Variants in CLTRN observed in about 807,000 individuals in gnomAD.
CLTRN encodes collectrin.
Under a neutral mutation model 14.5 loss-of-function variants are expected in CLTRN, and 12 were observed. That is an observed-to-expected ratio of 0.83 (90% CI 0.53 to 1.34). The LOEUF (loss-of-function observed/expected upper bound fraction) is 1.34, where lower values mean the gene tolerates loss of function less well. CLTRN is among the 40% of genes most tolerant of loss of function. CLTRN has a pLI of 0.00. For missense variants in CLTRN, 154 were observed against 165.1 expected (o/e 0.93, Z 0.37); for synonymous variants, 58 against 56.5 (o/e 1.03, Z -0.12).
At chrX:15,666,996 C>T (rs1401274028), upstream of CLTRN, among the ~76,000 whole-genome samples, 2 of 111,727 alleles carry the variant, frequency 1.8e-5, no homozygotes, top group Non-Finnish European at 3.8e-5. Flanking sequence ...CCAGCACTTT[C>T]GGAGGCCGAG....
chrX:15,665,263 C>T (rs1376041895), upstream of CLTRN, among the ~76,000 whole-genome samples: 2 of 112,008 alleles, frequency 1.8e-5, no homozygotes, highest in Non-Finnish European at 3.8e-5. Context: ...AAGGGCCTCA[C>T]CTGACTCTCA....
chrX:15,658,992 T>G (rs1481157874), intron 3 of CLTRN, 24 bp downstream of exon 3: 1 of 936,431 alleles, frequency 1.1e-6, no homozygotes, highest in Non-Finnish European at 1.5e-6. Flanking sequence ...AATAATCAGT[T>G]AAGATTTCTC....
chrX:15,666,623 C>G (rs1176026238), upstream of CLTRN, among the ~76,000 whole-genome samples: 1 of 111,777 alleles, frequency 8.9e-6, no homozygotes. Context: ...CAGCTAAATC[C>G]AACTGAGAAA....
chrX:15,668,158 A>G (rs999744392), upstream of CLTRN, among the ~76,000 whole-genome samples: 8 of 112,188 alleles, frequency 7.1e-5, no homozygotes. Context: ...ATGCTAATAT[A>G]TTTTCATAGT....
At chrX:15,646,283 T>A (rs1929065592) in intron 3 of CLTRN, 1 of 247,717 alleles carries the variant, frequency 4.0e-6, no homozygotes, top group Non-Finnish European at 7.7e-6. Flanking sequence ...CTTTCTGACA[T>A]TTTGATACCA....
chrX:15,641,073 C>T (rs1414965912), intron 4 of CLTRN, among the ~76,000 whole-genome samples: 4 of 112,238 alleles, frequency 3.6e-5, no homozygotes, highest in Non-Finnish European at 7.5e-5. Flanking sequence ...TAAAGTAAGA[C>T]TTGTTCAGCA....
In CLTRN at chrX:15,645,002, TAC is replaced by T; in HGVS notation, c.229_230del (p.Val77AsnfsTer23). 1 of 1,200,480 alleles carries T rather than the reference TAC, an allele frequency of 8.3e-7. No individual in the cohort carries two copies. Among genetic ancestry groups the T allele is most frequent in the South Asian group, 1.8e-5 (1 of 54,659 alleles). ...TEISHVLLCN[V>X]TQRVSFWFVV... is the part of the protein sequence containing the mutation. ...CAAACCAGAATGATACCCTCTGGGT[TAC>T]ATTGCAAAGTAGGACATGGGAAATT... is the stretch of plus-strand genomic sequence containing the variant. On this transcript the variant is annotated frameshift_variant, in exon 4 of 6. Transcript: ENST00000380342. LOFTEE classifies it high-confidence loss of function.
intron 5 of CLTRN, among the ~76,000 whole-genome samples, chrX:15,630,161 A>G: frequency 9.0e-6 from 1 of 111,638 alleles, no homozygotes; most frequent in Non-Finnish European, 1.9e-5. Context: ...AAAATAATCA[A>G]TGAATGTAGT....
intron 2 of CLTRN, among the ~76,000 whole-genome samples, chrX:15,659,904 T>C (rs1254804643): frequency 8.9e-6 from 1 of 112,353 alleles, no homozygotes; most frequent in African/African-American, 3.2e-5. Flanking sequence ...TACTCTGTTA[T>C]GGCAACCCTA....
intron 5 of CLTRN, among the ~76,000 whole-genome samples, chrX:15,638,780 A>G (rs768645240): frequency 8.9e-6 from 1 of 112,093 alleles, no homozygotes; most frequent in African/African-American, 3.2e-5. Context: ...AGCAGTATCA[A>G]TAACTTAGAC....
intron 5 of CLTRN, 56 bp downstream of exon 5, chrX:15,639,506 C>T (rs953580052): frequency 7.0e-5 from 74 of 1,064,594 alleles, no homozygotes; most frequent in Non-Finnish European, 9.3e-5. Flanking sequence ...CTGATTTGTC[C>T]AAGTCATGAG....
At chrX:15,643,959 G>T (rs1601725505) in intron 4 of CLTRN, among the ~76,000 whole-genome samples, 2 of 111,696 alleles carry the variant, frequency 1.8e-5, no homozygotes, top group African/African-American at 6.5e-5. Flanking sequence ...CATTTTTTGA[G>T]TATATCTTTG....
intron 1 of CLTRN, among the ~76,000 whole-genome samples, chrX:15,670,537 TA>T (rs1275621910): frequency 9.0e-6 from 1 of 111,717 alleles, no homozygotes; most frequent in African/African-American, 3.3e-5. Flanking sequence ...TCAGTATAAT[TA>T]GGCAACAAAA....
At chrX:15,671,813 A>G (rs187870827) in intron 1 of CLTRN, among the ~76,000 whole-genome samples, 10 of 108,284 alleles carry the variant, frequency 9.2e-5, no homozygotes, top group Middle Eastern at 4.8e-3. Flanking sequence ...AGATGATGTT[A>G]CAATCTTTTG....
intron 1 of CLTRN, among the ~76,000 whole-genome samples, chrX:15,671,844 G>GCACACACACACA (rs199900262): frequency 1.1e-5 from 1 of 90,030 alleles, no homozygotes. Flanking sequence ...TTTTATGCGC[G>GCACACACACACA]CACACACACA....
At chrX:15,641,816 T>C (rs1322667406) in intron 4 of CLTRN, among the ~76,000 whole-genome samples, 1 of 111,458 alleles carries the variant, frequency 9.0e-6, no homozygotes, top group East Asian at 2.8e-4. Context: ...AATAACCACA[T>C]TTGGCTGGTG....
At chrX:15,634,254 C>A (rs1308863832) in intron 5 of CLTRN, among the ~76,000 whole-genome samples, 1 of 111,585 alleles carries the variant, frequency 9.0e-6, no homozygotes, top group East Asian at 2.8e-4. Context: ...AGCATGTAAA[C>A]CACTAGATAT....
At chrX:15,628,542 A>G (rs1034885244) in intron 5 of CLTRN, among the ~76,000 whole-genome samples, 2 of 112,502 alleles carry the variant, frequency 1.8e-5, no homozygotes, top group Non-Finnish European at 1.9e-5. Context: ...ACTTAATAAC[A>G]ATTGAATTGC....
chrX:15,646,800 C>G (rs1250043603), intron 3 of CLTRN: 1 of 334,018 alleles, frequency 3.0e-6, no homozygotes, highest in Non-Finnish European at 5.9e-6. Context: ...CGCCACCCCC[C>G]CACCAGCCTG....
Sources: allele counts gnomAD v4.1 joint callset (sites outside exome capture counted in the v4.1 genomes callset), GRCh38; gene constraint gnomAD v4.1.1; transcripts MANE v1.5; gene names NCBI Gene and HGNC (gene_info 2026-07-23, HGNC 2026-07-21).